The following HMCN1 variants were observed in gnomAD, a reference collection of about 807,000 sequenced individuals.
HMCN1 encodes the protein hemicentin-1.
HMCN1 carries 321 observed loss-of-function variants against 625.9 expected under a neutral mutation model. The ratio of observed to expected loss-of-function variants is 0.51; its 90% CI spans 0.47 to 0.56. HMCN1 has a LOEUF of 0.56. HMCN1 is among the 20% of genes least tolerant of loss of function. The probability of loss-of-function intolerance (pLI) is 0.00; values close to 1 mark genes in which losing one functional copy is unlikely to be tolerated. For synonymous variants in HMCN1, 2,425 were observed against 2,417.6 expected (o/e 1.00, Z -0.09); for missense variants, 6,588 against 6,887.3 (o/e 0.96, Z 1.54).
intron 18 of HMCN1, among the ~76,000 whole-genome samples, chr1:185,983,848 A>G (rs907908827): frequency 2.6e-5 from 4 of 152,240 alleles, no homozygotes; most frequent in African/African-American, 9.6e-5. Context: ...AGTAAATATT[A>G]TAGTGAAATT....
At chr1:186,000,898 A>G (rs913733737) in intron 26 of HMCN1, among the ~76,000 whole-genome samples, 2 of 152,004 alleles carry the variant, frequency 1.3e-5, no homozygotes, top group African/African-American at 4.8e-5. Context: ...CAAAAGTGAA[A>G]GTGTATATAT....
At chr1:185,882,507 A>G (rs998136694) in intron 4 of HMCN1, among the ~76,000 whole-genome samples, 1 of 152,066 alleles carries the variant, frequency 6.6e-6, no homozygotes, top group African/African-American at 2.4e-5. Context: ...TGACAAAAGT[A>G]TCCTGTTTTT....
intron 93 of HMCN1, among the ~76,000 whole-genome samples, chr1:186,147,043 G>A (rs1441696941): frequency 6.6e-6 from 1 of 152,272 alleles, no homozygotes; most frequent in East Asian, 1.9e-4. Context: ...CTAAGGATAA[G>A]AACCAAAATG....
intron 1 of HMCN1, among the ~76,000 whole-genome samples, chr1:185,745,844 G>A (rs562570313): frequency 5.1e-4 from 78 of 152,198 alleles, no homozygotes; most frequent in Admixed American, 1.3e-3. Flanking sequence ...TGAAGCCATC[G>A]GAATAAATGA....
rs1313312226 is a variant in HMCN1 at position 185,809,278 on chromosome 1, T to C, written c.269-36748T>C. ...AAGAATTTTAACTTTGAAATAACTC[T>C]CTCTTAATATGCTTTATTAGTAGGA... is the stretch of plus-strand genomic sequence containing the variant. On this transcript the variant is annotated intron_variant, in intron 1 of 106. Transcript: ENST00000271588. Among the ~76,000 whole-genome samples the C allele has an allele frequency of 3.9e-5, 6 of 152,194 alleles. No homozygotes were observed. The East Asian group carries it at 1.2e-3, about 29-fold the overall frequency.
rs1176408373 is a variant in HMCN1, at chr1:186,018,221, G to A, written c.5339G>A (p.Gly1780Glu). ...GGCCAGTTAATTGATGAAAGGGATG[G>A]ATTCAAGATTTTATTAAATGGACGC... ...KDGQLIDERDGFKILLNGRKL... is the reference protein window; with the variant it reads ...KDGQLIDERDEFKILLNGRKL... The change falls in exon 34 of 107, where the codon GGA becomes GAA. Residue 1780 changes from glycine (G) to glutamate (E), a missense_variant. Gly to Glu is a moderately conservative substitution (Grantham distance 98). Around this residue, in one of 3 missense-constraint regions of HMCN1, gnomAD observed 4,628 missense variants for 4,853.1 expected, o/e 0.95. Coordinates refer to ENST00000271588, the MANE Select transcript of HMCN1 (RefSeq NM_031935.3). 3.1e-6 allele frequency: 5 copies of A among 1,612,712 alleles called. No individual in the cohort carries two copies. Among genetic ancestry groups the A allele is most frequent in the Non-Finnish European group, 4.2e-6 (5 of 1,179,080 alleles).
At chr1:186,142,534 G>A (rs1411973413) in intron 89 of HMCN1, among the ~76,000 whole-genome samples, 1 of 152,182 alleles carries the variant, frequency 6.6e-6, no homozygotes, top group Non-Finnish European at 1.5e-5. Flanking sequence ...TAGTGGGATT[G>A]CAGGGTCAAA....
chr1:185,854,115 ACAGACAGGATTC>A (rs564973565), intron 2 of HMCN1, among the ~76,000 whole-genome samples: 160 of 152,344 alleles, frequency 1.1e-3, no homozygotes, highest in Non-Finnish European at 1.7e-3. Context: ...TCCTTGATCT[ACAGACAGGATTC>A]CTAGAGAAAA....
At position 185,928,636 on chromosome 1, in the gene HMCN1, T is replaced by C. The variant is rs368547640; in HGVS notation, c.1521T>C (p.Thr507=). The C allele has an allele frequency of 1.2e-6, 2 of 1,613,514 alleles. No homozygotes were observed. The highest frequency in any genetic ancestry group is 2.7e-5 in the African/African-American group (2 of 74,934). Residue 507 remains threonine (T), a synonymous_variant, in exon 10 of 107, where the codon ACT becomes ACC. Transcript: ENST00000271588. ...GCATTGCTGTCAGCAGTGCAGGTAC[T>C]GGACGGGCACAGACATTTTTTGACG... ...YECIAVSSAG[T]GRAQTFFDVS... is the part of the protein sequence containing the mutation.
intron 1 of HMCN1, among the ~76,000 whole-genome samples, chr1:185,764,078 G>A (rs951638156): frequency 2.0e-5 from 3 of 152,044 alleles, no homozygotes; most frequent in African/African-American, 7.2e-5. Flanking sequence ...AAACAAATGC[G>A]TACAATTAAG....
At chr1:185,922,868 A>T (rs1384549463) in intron 7 of HMCN1, among the ~76,000 whole-genome samples, 1 of 152,184 alleles carries the variant, frequency 6.6e-6, no homozygotes, top group African/African-American at 2.4e-5. Flanking sequence ...ACCGAAATCT[A>T]TAAATTACCT....
intron 72 of HMCN1, 146 bp from the exon 73 acceptor site, chr1:186,113,833 C>T: frequency 3.3e-6 from 3 of 914,228 alleles, no homozygotes; most frequent in Non-Finnish European, 5.3e-6. Context: ...GGAATTAAAC[C>T]TCAATTCTAC....
chr1:185,898,666 C>T (rs1665631267), intron 4 of HMCN1, among the ~76,000 whole-genome samples: 1 of 152,026 alleles, frequency 6.6e-6, no homozygotes, highest in African/African-American at 2.4e-5. Flanking sequence ...AACCCAGAAG[C>T]AAGTATTCTG....
At chr1:185,812,431 G>A (rs1004230792) in intron 1 of HMCN1, among the ~76,000 whole-genome samples, 14 of 151,908 alleles carry the variant, frequency 9.2e-5, no homozygotes, top group Admixed American at 8.5e-4. Flanking sequence ...TGTCATATGC[G>A]ACTCTAAGAA....
rs1211687752 is a variant in HMCN1 at position 186,015,436 on chromosome 1, T to C, written c.4908T>C (p.Tyr1636=). The C allele has an allele frequency of 1.2e-6, 2 of 1,613,282 alleles. No individual in the cohort carries two copies. Among genetic ancestry groups the C allele is most frequent in the East Asian group, 2.2e-5 (1 of 44,854 alleles). The change falls in exon 31 of 107, where the codon TAT becomes TAC. Residue 1636 remains tyrosine (Y), a splice_region_variant and synonymous_variant. Coordinates refer to ENST00000271588, the MANE Select transcript of HMCN1 (RefSeq NM_031935.3). ...TAEKSFHVDV[Y]VPPMIEGNLA... Reference sequence around the variant, plus strand: ...AAAAATCATTCCATGTGGATGTCTATGGTGAGGAACAACATATGCTTTAAT... The same window carrying C: ...AAAAATCATTCCATGTGGATGTCTACGGTGAGGAACAACATATGCTTTAAT...
chr1:185,847,955 A>G (rs763774126), intron 2 of HMCN1, among the ~76,000 whole-genome samples: 10 of 152,142 alleles, frequency 6.6e-5, no homozygotes, highest in Non-Finnish European at 1.5e-4. Flanking sequence ...CCTGTCTCCA[A>G]AAGAAAGCAA....
Position 186,003,671 on chromosome 1 carries a change from C to T in HMCN1, c.4349-47C>T, listed in dbSNP as rs1653342404. On this transcript the variant is annotated intron_variant, in intron 28 of 106. Coordinates refer to ENST00000271588, the MANE Select transcript of HMCN1 (RefSeq NM_031935.3). Reference sequence around the variant, plus strand: ...ACTGCTTTCTAACCCCATGCCTGCTCTTTTTGCTGAGTAACAGAGTTTCAT... The same window carrying T: ...ACTGCTTTCTAACCCCATGCCTGCTTTTTTTGCTGAGTAACAGAGTTTCAT... 2.5e-6 allele frequency: 4 copies of T among 1,606,282 alleles called. No individual in the cohort carries two copies. In the Admixed American group the frequency reaches 5.0e-5, roughly 20 times the overall value.
At position 186,103,596 on chromosome 1, in the gene HMCN1, C is replaced by A. The variant is rs776530930; in HGVS notation, c.10698C>A (p.Gly3566=). 5.0e-6 allele frequency: 8 copies of A among 1,613,778 alleles called. No homozygotes were observed. Among genetic ancestry groups the A allele is most frequent in the South Asian group, 3.3e-5 (3 of 91,078 alleles). The stretch of plus-strand genomic sequence containing the variant: ...CTAAAATGACCTGGATGAAAGATGG[C>A]CGGCCCCTTCCACAGACGGATCAAG... The part of the protein sequence containing the change: ...PAPKMTWMKD[G]RPLPQTDQVQ... The change falls in exon 69 of 107, where the codon GGC becomes GGA. Residue 3566 remains glycine, a synonymous_variant. Transcript: ENST00000271588.
chr1:186,155,006 T>G (rs924452650), intron 97 of HMCN1, among the ~76,000 whole-genome samples: 38 of 152,192 alleles, frequency 2.5e-4, no homozygotes, highest in African/African-American at 9.2e-4. Flanking sequence ...AACTTTAGGC[T>G]CCCATGAGTT....
Sources: allele counts gnomAD v4.1 joint callset (sites outside exome capture counted in the v4.1 genomes callset), GRCh38; gene constraint gnomAD v4.1.1; regional missense constraint gnomAD v4.1.1; transcripts MANE v1.5; gene names NCBI Gene and HGNC (gene_info 2026-07-23, HGNC 2026-07-21).